RNGTT: variants seen among roughly 807,000 people sequenced by gnomAD.
RNGTT encodes the protein RNA guanylyltransferase and 5'-phosphatase.
In RNGTT, 33 loss-of-function variants were observed where a neutral mutation model predicts 79.3. The observed-to-expected ratio is 0.42, with a 90% CI of 0.32 to 0.56. The LOEUF (loss-of-function observed/expected upper bound fraction) is 0.56. RNGTT is among the 20% of genes least tolerant of loss of function. The pLI is 0.17. For synonymous variants in RNGTT, 222 were observed against 235.9 expected (o/e 0.94, Z 0.54); for missense variants, 497 against 739.1 (o/e 0.67, Z 3.80).
intron 1 of RNGTT, among the ~76,000 whole-genome samples, chr6:88,959,701 A>G (rs1057159195): frequency 3.9e-5 from 6 of 152,182 alleles, no homozygotes; most frequent in Admixed American, 3.9e-4. Flanking sequence ...AAACACAGAA[A>G]AGTCAAAGTA....
chr6:88,724,918 C>G (rs1005193578), intron 13 of RNGTT, among the ~76,000 whole-genome samples: 1 of 152,134 alleles, frequency 6.6e-6, no homozygotes, highest in African/African-American at 2.4e-5. Context: ...TAACCCTAAC[C>G]AATAGGGGAA....
chr6:88,644,587 G>T (rs1773464022), intron 14 of RNGTT, among the ~76,000 whole-genome samples: 2 of 152,134 alleles, frequency 1.3e-5, no homozygotes, highest in African/African-American at 4.8e-5. Context: ...GATGAACACT[G>T]ATGCAAAAAT....
At chr6:88,644,462 A>C (rs1267242853) in intron 14 of RNGTT, among the ~76,000 whole-genome samples, 3 of 152,180 alleles carry the variant, frequency 2.0e-5, no homozygotes, top group Non-Finnish European at 4.4e-5. Flanking sequence ...AAACTATTCC[A>C]ATCAATAGAA....
chr6:88,675,758 GAAATTA>G (rs969206621), intron 14 of RNGTT, among the ~76,000 whole-genome samples: 3 of 149,198 alleles, frequency 2.0e-5, no homozygotes, highest in African/African-American at 7.4e-5. Flanking sequence ...TAAACAATCA[GAAATTA>G]AAATTAAATC....
At chr6:88,738,583 T>G (rs1349838660) in intron 13 of RNGTT, among the ~76,000 whole-genome samples, 1 of 152,056 alleles carries the variant, frequency 6.6e-6, no homozygotes, top group Non-Finnish European at 1.5e-5. Flanking sequence ...CAGGCAGAGG[T>G]TGCAGTGAGC....
intron 9 of RNGTT, among the ~76,000 whole-genome samples, chr6:88,851,141 T>C (rs1297321012): frequency 6.6e-6 from 1 of 150,792 alleles, no homozygotes; most frequent in African/African-American, 2.4e-5. Flanking sequence ...CATCTTAAAA[T>C]AGTGAATTTC....
At chr6:88,740,715 A>C (rs1257466697) in intron 13 of RNGTT, among the ~76,000 whole-genome samples, 2 of 152,090 alleles carry the variant, frequency 1.3e-5, no homozygotes, top group African/African-American at 4.8e-5. Flanking sequence ...GAACAATGAG[A>C]ACACATGGAC....
intron 13 of RNGTT, among the ~76,000 whole-genome samples, chr6:88,750,065 C>G (rs966989017): frequency 1.3e-5 from 2 of 152,132 alleles, no homozygotes; most frequent in Non-Finnish European, 2.9e-5. Flanking sequence ...AAAGGCCCAT[C>G]CTACTCCAGT....
chr6:88,932,493 A>T (rs1784542205), intron 2 of RNGTT, among the ~76,000 whole-genome samples: 1 of 152,116 alleles, frequency 6.6e-6, no homozygotes, highest in African/African-American at 2.4e-5. Flanking sequence ...ATCGCTAATA[A>T]AAACTTGCTG....
At chr6:88,858,154 T>C (rs900125969) in intron 8 of RNGTT, among the ~76,000 whole-genome samples, 1 of 152,306 alleles carries the variant, frequency 6.6e-6, no homozygotes, top group East Asian at 1.9e-4. Context: ...CATTGATTTA[T>C]TTCACCACCA....
chr6:88,900,145 A>C (rs1047277805), intron 6 of RNGTT, among the ~76,000 whole-genome samples: 3 of 151,306 alleles, frequency 2.0e-5, no homozygotes, highest in Non-Finnish European at 4.4e-5. Context: ...AAAAAAAAAA[A>C]ACTATAATTG....
chr6:88,666,731 C>G (rs1015492258), intron 14 of RNGTT, among the ~76,000 whole-genome samples: 4 of 152,158 alleles, frequency 2.6e-5, no homozygotes, highest in Admixed American at 6.5e-5. Context: ...TTCATTAACC[C>G]ACAGAGAGAG....
intron 12 of RNGTT, among the ~76,000 whole-genome samples, chr6:88,782,224 A>G (rs1429665294): frequency 6.6e-6 from 1 of 152,112 alleles, no homozygotes; most frequent in Non-Finnish European, 1.5e-5. Context: ...TCCATGAGGT[A>G]GTTCAATCTA....
At chr6:88,904,612 A>G in intron 6 of RNGTT, 103 bp downstream of exon 6, 1 of 1,338,644 alleles carries the variant, frequency 7.5e-7, no homozygotes, top group East Asian at 2.4e-5. Context: ...ATCATCTGAC[A>G]AACCTAGCTA....
intron 11 of RNGTT, among the ~76,000 whole-genome samples, chr6:88,804,976 T>C (rs1177153331): frequency 6.6e-6 from 1 of 152,248 alleles, no homozygotes; most frequent in African/African-American, 2.4e-5. Flanking sequence ...ATCTTAGAAG[T>C]GCTTTGCTCT....
intron 12 of RNGTT, among the ~76,000 whole-genome samples, chr6:88,788,434 T>C (rs13196049): frequency 0.091 from 13,921 of 152,190 alleles, 873 homozygotes; most frequent in Middle Eastern, 0.2. Context: ...GAACAGAATA[T>C]AGACTAATGC....
Position 88,685,444 on chromosome 6 carries a change from T to C in RNGTT, c.1440-7025A>G, listed in dbSNP as rs554245386. ...TTCCATAAATGTGGAAAAAGACCTA[T>C]GAAAATGTCATTAATTTTTTTAAAA... On this transcript the variant is annotated intron_variant, in intron 13 of 15. Transcript: ENST00000369485. 5.3e-5 allele frequency among the ~76,000 whole-genome samples: 8 copies of C among 151,580 alleles called. No individual in the cohort carries two copies. In the East Asian group the frequency reaches 1.2e-3, roughly 22 times the overall value.
intron 13 of RNGTT, among the ~76,000 whole-genome samples, chr6:88,709,009 T>C (rs951410481): frequency 1.3e-5 from 2 of 152,128 alleles, no homozygotes; most frequent in Non-Finnish European, 2.9e-5. Context: ...TGAAATCATC[T>C]TAAAATATTA....
chr6:88,957,237 T>C (rs13210065), intron 1 of RNGTT, among the ~76,000 whole-genome samples: 14,702 of 152,122 alleles, frequency 0.097, 928 homozygotes, highest in Middle Eastern at 0.21. Flanking sequence ...ATAAAAGGCA[T>C]CTATGACAAA....
Sources: allele counts gnomAD v4.1 joint callset (sites outside exome capture counted in the v4.1 genomes callset), GRCh38; gene constraint gnomAD v4.1.1; transcripts MANE v1.5; gene names NCBI Gene and HGNC (gene_info 2026-07-23, HGNC 2026-07-21).